Variants in HGS observed in about 807,000 individuals in gnomAD.
The protein encoded by HGS is human growth factor-regulated tyrosine kinase substrate.
In HGS, 63 loss-of-function variants were observed where a neutral mutation model predicts 109.7. The observed-to-expected ratio is 0.57, with a 90% CI of 0.47 to 0.71. The LOEUF is 0.71. Among genes scored for constraint, HGS ranks in the 30% least tolerant of loss-of-function variants. The pLI is 0.00. For missense variants in HGS, 995 were observed against 1,068.3 expected (o/e 0.93, Z 0.96); for synonymous variants, 546 against 437.3 (o/e 1.25, Z -3.10).
At chr17:81,695,274 C>T (rs1293558218) in intron 14 of HGS, 51 bp downstream of exon 14, 1 of 1,580,794 alleles carries the variant, frequency 6.3e-7, no homozygotes, top group East Asian at 2.2e-5. Flanking sequence ...CCTCCTGGCC[C>T]ACAGCGCCAG....
At position 81,701,530 on chromosome 17, in the gene HGS, C is replaced by A. The variant is rs1442288602; in HGVS notation, c.2246C>A (p.Pro749His). The change falls in exon 22 of 22, where the codon CCC becomes CAC. Residue 749 changes from proline to histidine, a missense_variant. Transcript: ENST00000329138. Reference protein sequence around the residue: ...YQQMAPSGGPPQQQPPVAQQP... With the variant: ...YQQMAPSGGPHQQQPPVAQQP... The stretch of plus-strand genomic sequence containing the variant: ...CAGATGGCACCCTCTGGCGGTCCCC[C>A]CCAGCAGCAGCCCCCCGTGGCCCAG... 2.6e-6 allele frequency: 4 copies of A among 1,562,690 alleles called. No individual in the cohort carries two copies. Among genetic ancestry groups the A allele is most frequent in the Non-Finnish European group, 3.4e-6 (4 of 1,161,014 alleles).
chr17:81,688,828 G>T lies in HGS; in HGVS notation c.415+1G>T. 6.2e-7 allele frequency: 1 copy of T among 1,614,140 alleles called. No homozygotes were observed. The highest frequency in any genetic ancestry group is 8.5e-7 in the Non-Finnish European group (1 of 1,179,998). ...ACCTACCAGATCATGAAGGTGGAGG[G>T]TGAGTCAGGACTGAGGTTGGGACCA... is the stretch of plus-strand genomic sequence containing the variant. On this transcript the variant is annotated splice_donor_variant, in intron 5 of 21. Coordinates refer to ENST00000329138, the MANE Select transcript of HGS (RefSeq NM_004712.5). LOFTEE classifies it high-confidence loss of function.
At position 81,696,020 on chromosome 17, in the gene HGS, G is replaced by T. The variant is rs937306679; in HGVS notation, c.1393+21G>T. ...CAGGCGTAGGTGCCCGCGCCACGGGGCCTCGGCTCAGGGGCAGCCAGGTGT... is the reference window on the plus strand; with the variant it reads ...CAGGCGTAGGTGCCCGCGCCACGGGTCCTCGGCTCAGGGGCAGCCAGGTGT... On this transcript the variant is annotated intron_variant, in intron 15 of 21. Transcript: ENST00000329138. 7 of 1,531,168 alleles carry T rather than the reference G, an allele frequency of 4.6e-6. No individual in the cohort carries two copies. In the African/African-American group the frequency reaches 8.3e-5, roughly 18 times the overall value. 94.8% of individuals were successfully genotyped at this position (1,531,168 alleles called of 1,614,324 possible).
chr17:81,696,307 T>G (rs775329703), intron 15 of HGS, 50 bp from the exon 16 acceptor site: 2 of 1,480,220 alleles, frequency 1.4e-6, no homozygotes, highest in East Asian at 4.7e-5. Context: ...CCCAGGAGCT[T>G]CTCGGCACTG....
intron 1 of HGS, chr17:81,685,067 C>T (rs1469440594): frequency 1.0e-6 from 1 of 985,362 alleles, no homozygotes; most frequent in Non-Finnish European, 1.2e-6. Context: ...GGTATGATGA[C>T]AGGTATGCTG....
rs779007307 is a variant in HGS, at chr17:81,691,557, C to T, written c.648C>T (p.Tyr216=). ...AGGTGCGCGTGTGTGAGCCCTGCTA[C>T]GAGCAGCTGAACAGGTGAGTCCCCG... ...EKEVRVCEPC[Y]EQLNRKAEGK... is the part of the protein sequence containing the mutation. The change falls in exon 8 of 22, where the codon TAC becomes TAT. Residue 216 remains tyrosine (Y), a synonymous_variant. Transcript: ENST00000329138. The surrounding 1 kb of genome is among the most constrained non-coding windows in gnomAD (Gnocchi z 5.3). The T allele has an allele frequency of 2.9e-5, 47 of 1,614,020 alleles. No homozygotes were observed. Among genetic ancestry groups the T allele is most frequent in the South Asian group, 1.2e-4 (11 of 91,090 alleles).
At chr17:81,689,430 G>A (rs551800748) in intron 5 of HGS, among the ~76,000 whole-genome samples, 33 of 152,196 alleles carry the variant, frequency 2.2e-4, no homozygotes, top group Admixed American at 2.6e-4. Flanking sequence ...CATTGTGGCC[G>A]TGGAGAACTA....
intron 4 of HGS, among the ~76,000 whole-genome samples, chr17:81,687,460 A>C (rs1407075346): frequency 6.6e-6 from 1 of 152,010 alleles, no homozygotes; most frequent in Non-Finnish European, 1.5e-5. Flanking sequence ...ATCGTGTGTG[A>C]GAGTGGCTGT....
intron 1 of HGS, chr17:81,684,375 G>C (rs1000856090): frequency 5.9e-6 from 2 of 340,742 alleles, no homozygotes; most frequent in Non-Finnish European, 1.1e-5. Flanking sequence ...CCGCGGGCCC[G>C]GGCATTCGGC....
chr17:81,695,308 T>TCTGGTTAGGGCAGGC, intron 14 of HGS, 85 bp downstream of exon 14: 1 of 1,427,002 alleles, frequency 7.0e-7, no homozygotes, highest in Non-Finnish European at 9.9e-7. Context: ...GTGCCTGCCC[T>TCTGGTTAGGGCAGGC]AACCAGAGGG....
chr17:81,690,436 G>A (rs2037045932), intron 6 of HGS: 3 of 649,122 alleles, frequency 4.6e-6, no homozygotes, highest in Non-Finnish European at 7.9e-6. Context: ...GGCCTTTAGA[G>A]TGGCTAGGGG....
chr17:81,688,650 G>C, intron 4 of HGS, 54 bp from the exon 5 acceptor site: 1 of 1,604,102 alleles, frequency 6.2e-7, no homozygotes, highest in Non-Finnish European at 8.5e-7. Context: ...TCACACCGAG[G>C]CCTCTGGCGC....
chr17:81,698,840 G>A (rs995732357), intron 18 of HGS, among the ~76,000 whole-genome samples: 5 of 152,330 alleles, frequency 3.3e-5, no homozygotes, highest in South Asian at 2.1e-4. Context: ...AGGCCAAGGC[G>A]CGTGGCTCAC....
chr17:81,686,281 T>G, intron 2 of HGS, 31 bp from the exon 3 acceptor site: 1 of 1,590,488 alleles, frequency 6.3e-7, no homozygotes, highest in Non-Finnish European at 8.6e-7. Flanking sequence ...TTTCCCGTTT[T>G]TCTCTGCTTT....
At chr17:81,696,189 T>C (rs1193898827) in intron 15 of HGS, 168 bp from the exon 16 acceptor site, 1 of 993,866 alleles carries the variant, frequency 1.0e-6, no homozygotes, top group African/African-American at 1.6e-5. Context: ...TGCCCTGCCC[T>C]GCCCTGCCCT....
intron 18 of HGS, among the ~76,000 whole-genome samples, chr17:81,699,123 G>C (rs2037196227): frequency 6.6e-6 from 1 of 151,342 alleles, no homozygotes; most frequent in South Asian, 2.1e-4. Flanking sequence ...TAATCCAATA[G>C]CACAGTTTTC....
rs942117492 is a variant in HGS at position 81,702,016 on chromosome 17, C to T, written c.*398C>T. On this transcript the variant is annotated 3_prime_UTR_variant, in exon 22 of 22. Transcript: ENST00000329138. ...CTCTGCAGGGGCCTCTCTCGGCAGCCACAGCCAAGGGTGGAGGCTTCAGGT... is the reference window on the plus strand; with the variant it reads ...CTCTGCAGGGGCCTCTCTCGGCAGCTACAGCCAAGGGTGGAGGCTTCAGGT... 5.5e-6 allele frequency: 1 copy of T among 181,258 alleles called. No homozygotes were observed. The highest frequency in any genetic ancestry group is 2.3e-5 in the African/African-American group (1 of 42,644). The allele number at this position is 181,258 out of a possible 1,614,324, so 11.2% of individuals were successfully genotyped here.
chr17:81,694,963 C>T lies in HGS; in HGVS notation c.1015C>T (p.Gln339Ter), dbSNP rs2037121123. 6.2e-7 allele frequency: 1 copy of T among 1,614,160 alleles called. No individual in the cohort carries two copies. The change falls in exon 13 of 22, where the codon CAG becomes TAG. Residue 339 changes from glutamine to a stop codon, truncating the protein, a stop_gained. Transcript: ENST00000329138. LOFTEE classifies it high-confidence loss of function. ...YLNRNYWEKKQEEARKSPTPS... is the reference protein window; with the variant it reads ...YLNRNYWEKK ...CAACCGGAACTACTGGGAGAAGAAGCAGGAGGAGGCTCGCAAGAGCCCCAC... is the reference window on the plus strand; with the variant it reads ...CAACCGGAACTACTGGGAGAAGAAGTAGGAGGAGGCTCGCAAGAGCCCCAC...
rs1247556314 is a variant in HGS at position 81,684,028 on chromosome 17, G to A, written c.-39G>A. Reference sequence around the variant, plus strand: ...CGGGGGGCGCGCCAGCTCGTAGCAGGGGAGCGCCCGCGGCGTCGGGTTTGG... The same window carrying A: ...CGGGGGGCGCGCCAGCTCGTAGCAGAGGAGCGCCCGCGGCGTCGGGTTTGG... On this transcript the variant is annotated 5_prime_UTR_variant, in exon 1 of 22. Coordinates refer to ENST00000329138, the MANE Select transcript of HGS (RefSeq NM_004712.5). The A allele has an allele frequency of 1.3e-5, 20 of 1,577,362 alleles. No homozygotes were observed. Among genetic ancestry groups the A allele is most frequent in the Non-Finnish European group, 1.7e-5 (20 of 1,165,560 alleles).
Sources: gnomAD v4.1 joint callset for allele counts (sites outside exome capture counted in the v4.1 genomes callset) on GRCh38, gnomAD v4.1.1 for gene constraint, Gnocchi (gnomAD v3.1) non-coding constraint, MANE v1.5 for transcripts, NCBI Gene and HGNC (gene_info 2026-07-23, HGNC 2026-07-21) for gene names.